Variants in PBX3 observed in about 807,000 individuals in gnomAD.
PBX3 encodes PBX homeobox 3.
In PBX3, 14 loss-of-function variants were observed where a neutral mutation model predicts 48.5. That is an observed-to-expected ratio of 0.29 (90% CI 0.19 to 0.45). The LOEUF (loss-of-function observed/expected upper bound fraction) is 0.45, where lower values mean the gene tolerates loss of function less well. PBX3 is among the 20% of genes least tolerant of loss of function. PBX3 has a pLI of 1.00. For missense variants in PBX3, 386 were observed against 546.7 expected, an observed-to-expected ratio of 0.71 and a Z score of 2.93; for synonymous variants, 210 against 200.3, an observed-to-expected ratio of 1.05 and a Z score of -0.41.
chr9:125,889,799 G>T (rs1212985527), intron 2 of PBX3, among the ~76,000 whole-genome samples: 2 of 149,028 alleles, frequency 1.3e-5, no homozygotes, highest in African/African-American at 2.4e-5. Flanking sequence ...GCGCGAACGC[G>T]GGAGGGGGAG....
intron 2 of PBX3, chr9:125,844,609 T>C (rs1299320500): frequency 6.6e-6 from 1 of 152,106 alleles, no homozygotes. Flanking sequence ...TGCCAGACTA[T>C]TGTGAATGAG....
At chr9:125,779,160 T>A (rs909572139) in intron 2 of PBX3, among the ~76,000 whole-genome samples, 66 of 147,778 alleles carry the variant, frequency 4.5e-4, no homozygotes, top group African/African-American at 1.5e-3. Flanking sequence ...TCCTACAATA[T>A]TTGTCCTTTT....
intron 2 of PBX3, among the ~76,000 whole-genome samples, chr9:125,766,440 A>C (rs1384896357): frequency 6.6e-6 from 1 of 152,112 alleles, no homozygotes; most frequent in Admixed American, 6.5e-5. Context: ...TAACATGCTT[A>C]AAGTTGAATA....
intron 2 of PBX3, among the ~76,000 whole-genome samples, chr9:125,874,762 T>A (rs1357905673): frequency 6.6e-6 from 1 of 152,136 alleles, no homozygotes; most frequent in Non-Finnish European, 1.5e-5. Flanking sequence ...GTACAACTAT[T>A]GGAAAATAAT....
intron 2 of PBX3, among the ~76,000 whole-genome samples, chr9:125,829,337 A>G (rs547425379): frequency 1.9e-4 from 29 of 152,268 alleles, no homozygotes; most frequent in African/African-American, 7.0e-4. Context: ...TTTAAAGTCA[A>G]ATGCAACCGA....
chr9:125,961,911 TCTC>T (rs1842438134), intron 6 of PBX3, among the ~76,000 whole-genome samples, 188 bp from the exon 7 acceptor site: 2 of 152,206 alleles, frequency 1.3e-5, no homozygotes, highest in Non-Finnish European at 1.5e-5. Context: ...TGATGGGACT[TCTC>T]CTAGATGTGG....
Position 125,935,626 on chromosome 9 carries a change from G to T in PBX3, c.843+19G>T. The T allele has an allele frequency of 6.2e-7, 1 of 1,613,016 alleles. No homozygotes were observed. The highest frequency in any genetic ancestry group is 8.5e-7 in the Non-Finnish European group (1 of 1,179,368). The stretch of plus-strand genomic sequence containing the variant: ...GTCACAGGTGAGAAAGGACCCATGG[G>T]TCTGTCTTGTTCCCTGTGGAGACAG... On this transcript the variant is annotated intron_variant, in intron 5 of 8. Coordinates refer to ENST00000373489, the MANE Select transcript of PBX3 (RefSeq NM_006195.6).
chr9:125,885,052 G>C (rs778073489), intron 2 of PBX3, among the ~76,000 whole-genome samples: 1 of 152,022 alleles, frequency 6.6e-6, no homozygotes, highest in African/African-American at 2.4e-5. Context: ...TTCAGCTTAG[G>C]TCAACTGTTA....
intron 5 of PBX3, among the ~76,000 whole-genome samples, chr9:125,942,925 T>C (rs1841986734): frequency 1.3e-5 from 2 of 152,212 alleles, no homozygotes; most frequent in African/African-American, 2.4e-5. Context: ...TTTTTGTTGC[T>C]GTTGTTCTCT....
intron 2 of PBX3, among the ~76,000 whole-genome samples, chr9:125,883,461 A>G (rs1235255422): frequency 1.3e-5 from 2 of 152,108 alleles, no homozygotes; most frequent in Admixed American, 6.5e-5. Context: ...ACTTTTTTTC[A>G]TGGCCAAGTT....
At chr9:125,832,667 A>G (rs1187070970) in intron 2 of PBX3, among the ~76,000 whole-genome samples, 1 of 152,348 alleles carries the variant, frequency 6.6e-6, no homozygotes, top group East Asian at 1.9e-4. Context: ...CTGAATGGCA[A>G]GTGACTGTCC....
At chr9:125,911,073 C>A (rs1403049442) in intron 2 of PBX3, among the ~76,000 whole-genome samples, 1 of 152,044 alleles carries the variant, frequency 6.6e-6, no homozygotes, top group African/African-American at 2.4e-5. Flanking sequence ...ACCCCAAATA[C>A]TTTAGTTTAG....
At chr9:125,774,631 TTATC>T (rs1175298794) in intron 2 of PBX3, among the ~76,000 whole-genome samples, 2 of 149,658 alleles carry the variant, frequency 1.3e-5, no homozygotes, top group Admixed American at 6.7e-5. Context: ...TACAATTTGT[TTATC>T]CATTCATCAG....
chr9:125,760,234 T>C (rs755374176), intron 2 of PBX3, among the ~76,000 whole-genome samples: 14 of 152,182 alleles, frequency 9.2e-5, no homozygotes, highest in Non-Finnish European at 1.5e-4. Flanking sequence ...TCTCTTAAAA[T>C]AGAAAAAAAG....
Position 125,790,017 on chromosome 9 carries a change from G to A in PBX3, c.274+41394G>A, listed in dbSNP as rs149610985. Among the ~76,000 whole-genome samples the A allele has an allele frequency of 1.7e-3, 253 of 152,260 alleles. 1 individual carries two copies. Among genetic ancestry groups the A allele is most frequent in the Non-Finnish European group, 1.2e-3 (80 of 68,022 alleles). On this transcript the variant is annotated intron_variant, in intron 2 of 8. Coordinates refer to ENST00000373489, the MANE Select transcript of PBX3 (RefSeq NM_006195.6). ...TTGGGAGTATTTGTATTTTGTAGATGTAACTAAACTGATGCTCATCAAATG... is the reference window on the plus strand; with the variant it reads ...TTGGGAGTATTTGTATTTTGTAGATATAACTAAACTGATGCTCATCAAATG...
chr9:125,890,802 A>G (rs990949286), intron 2 of PBX3, among the ~76,000 whole-genome samples: 4 of 152,250 alleles, frequency 2.6e-5, no homozygotes, highest in African/African-American at 9.6e-5. Flanking sequence ...CAGAGCACTG[A>G]GATTTGAAAA....
At chr9:125,884,484 G>A (rs1273394619) in intron 2 of PBX3, among the ~76,000 whole-genome samples, 2 of 152,194 alleles carry the variant, frequency 1.3e-5, no homozygotes, top group Non-Finnish European at 2.9e-5. Flanking sequence ...AGCAGATAAT[G>A]TGATTGTCTA....
intron 3 of PBX3, among the ~76,000 whole-genome samples, chr9:125,920,550 C>T (rs1375546302): frequency 6.6e-6 from 1 of 152,170 alleles, no homozygotes; most frequent in Non-Finnish European, 1.5e-5. Flanking sequence ...TGCAGCTCTC[C>T]CACTTTGCTT....
intron 2 of PBX3, among the ~76,000 whole-genome samples, chr9:125,909,590 G>A (rs1266554642): frequency 7.9e-5 from 12 of 152,150 alleles, no homozygotes; most frequent in Admixed American, 7.9e-4. Context: ...GGGGTTGGCA[G>A]TGTAGCAGGG....
Sources: allele counts gnomAD v4.1 joint callset (sites outside exome capture counted in the v4.1 genomes callset), GRCh38; gene constraint gnomAD v4.1.1; transcripts MANE v1.5; gene names NCBI Gene and HGNC (gene_info 2026-07-23, HGNC 2026-07-21).